The following SPOCK1 variants were observed in gnomAD, a reference collection of about 807,000 sequenced individuals.
SPOCK1 encodes SPARC (osteonectin), cwcv and kazal like domains proteoglycan 1.
Under a neutral mutation model 55.3 loss-of-function variants are expected in SPOCK1, and 23 were observed. The observed-to-expected ratio is 0.42, with a 90% CI of 0.30 to 0.59. The LOEUF (loss-of-function observed/expected upper bound fraction) is 0.59, where lower values mean the gene tolerates loss of function less well. Ranked by LOEUF, SPOCK1 falls within the 20% of genes least tolerant of loss-of-function variation. The pLI, the probability that SPOCK1 is intolerant of heterozygous loss-of-function variation, is 0.22. For missense variants in SPOCK1, 499 were observed against 552.5 expected (o/e 0.90, Z 0.97); for synonymous variants, 226 against 221.0 (o/e 1.02, Z -0.20).
At chr5:137,331,624 G>A (rs1048066572) in intron 2 of SPOCK1, among the ~76,000 whole-genome samples, 4 of 152,170 alleles carry the variant, frequency 2.6e-5, no homozygotes, top group Admixed American at 1.3e-4. Context: ...GAATAGGCAT[G>A]TCACATGGTG....
At chr5:137,319,419 T>C (rs1757939402) in intron 2 of SPOCK1, among the ~76,000 whole-genome samples, 1 of 152,226 alleles carries the variant, frequency 6.6e-6, no homozygotes, top group African/African-American at 2.4e-5. Context: ...ATATGCTTAT[T>C]GTTCACTATA....
At chr5:137,288,364 A>G (rs751554464) in intron 2 of SPOCK1, among the ~76,000 whole-genome samples, 6 of 152,226 alleles carry the variant, frequency 3.9e-5, no homozygotes, top group Non-Finnish European at 7.3e-5. Flanking sequence ...ACTCTGTCCC[A>G]GGTCTTGACA....
intron 8 of SPOCK1, among the ~76,000 whole-genome samples, chr5:136,986,964 A>G (rs1250988548): frequency 6.6e-6 from 1 of 152,150 alleles, no homozygotes; most frequent in Non-Finnish European, 1.5e-5. Flanking sequence ...AAAATTCTAG[A>G]AAAACAGTAA....
chr5:137,038,839 AG>A (rs1751933347), intron 6 of SPOCK1, among the ~76,000 whole-genome samples: 1 of 152,154 alleles, frequency 6.6e-6, no homozygotes, highest in Non-Finnish European at 1.5e-5. Context: ...CACCCCTAGA[AG>A]GTATAAGCTC....
intron 3 of SPOCK1, among the ~76,000 whole-genome samples, chr5:137,243,413 A>ATT (rs1179723342): frequency 6.6e-6 from 1 of 152,228 alleles, no homozygotes; most frequent in Non-Finnish European, 1.5e-5. Flanking sequence ...TCCTAAGACC[A>ATT]AAGACATCAT....
intron 6 of SPOCK1, among the ~76,000 whole-genome samples, chr5:137,009,405 C>T (rs1329104863): frequency 5.3e-5 from 8 of 152,076 alleles, no homozygotes; most frequent in Admixed American, 2.6e-4. Flanking sequence ...CAAAGATCTC[C>T]AAGAGAGGTC....
At chr5:137,495,840 T>G (rs1754288812) in intron 2 of SPOCK1, among the ~76,000 whole-genome samples, 1 of 152,252 alleles carries the variant, frequency 6.6e-6, no homozygotes. Flanking sequence ...AAGAGGTTAA[T>G]GACATTAAAT....
chr5:137,137,404 G>A (rs963392594), intron 4 of SPOCK1, among the ~76,000 whole-genome samples: 30 of 152,206 alleles, frequency 2.0e-4, no homozygotes, highest in African/African-American at 7.2e-4. Context: ...TTTCTTCTGG[G>A]AAGGTGTCCA....
Position 137,085,219 on chromosome 5 carries a change from C to A in SPOCK1, c.475-17390G>T, listed in dbSNP as rs575351638. ...GAGATGCCCCACCTGGCCCACCCTA[C>A]GCTCACAGGGCCAGTGACAAGGACA... On this transcript the variant is annotated intron_variant, in intron 5 of 10. Coordinates refer to ENST00000394945, the MANE Select transcript of SPOCK1 (RefSeq NM_004598.4). Among the ~76,000 whole-genome samples the A allele has an allele frequency of 1.1e-3, 167 of 152,236 alleles. 1 individual carries two copies. Among genetic ancestry groups the A allele is most frequent in the African/African-American group, 3.9e-3 (162 of 41,544 alleles).
chr5:137,103,499 G>A (rs923163121), intron 5 of SPOCK1, among the ~76,000 whole-genome samples: 3 of 152,128 alleles, frequency 2.0e-5, no homozygotes, highest in African/African-American at 4.8e-5. Context: ...AGCCATCCTG[G>A]ACCCAGAGAC....
intron 2 of SPOCK1, among the ~76,000 whole-genome samples, chr5:137,291,686 T>C (rs1757373902): frequency 6.6e-6 from 1 of 152,234 alleles, no homozygotes; most frequent in Non-Finnish European, 1.5e-5. Flanking sequence ...TGAAAGCTGA[T>C]GGGAGGCTTG....
At chr5:136,989,029 T>C (rs1750898016) in intron 7 of SPOCK1, among the ~76,000 whole-genome samples, 2 of 152,214 alleles carry the variant, frequency 1.3e-5, no homozygotes, top group African/African-American at 4.8e-5. Flanking sequence ...CAAAAAATAC[T>C]GGAAAACCAA....
intron 3 of SPOCK1, among the ~76,000 whole-genome samples, chr5:137,212,801 G>A (rs1317131077): frequency 5.3e-5 from 8 of 152,244 alleles, no homozygotes; most frequent in Admixed American, 1.3e-4. Context: ...GACAATGTCA[G>A]AGGCTCACTT....
chr5:137,259,754 T>C (rs1405943940), intron 3 of SPOCK1, among the ~76,000 whole-genome samples: 4 of 151,770 alleles, frequency 2.6e-5, no homozygotes, highest in African/African-American at 4.8e-5. Flanking sequence ...ACAATAAGCT[T>C]ATGGGAGAGG....
At chr5:137,377,208 A>G (rs1666939474) in intron 2 of SPOCK1, among the ~76,000 whole-genome samples, 1 of 152,218 alleles carries the variant, frequency 6.6e-6, no homozygotes, top group South Asian at 2.1e-4. Context: ...CAAGCACTGT[A>G]TCAGGAAATG....
At chr5:137,127,530 C>T (rs1251893112) in intron 4 of SPOCK1, among the ~76,000 whole-genome samples, 1 of 152,266 alleles carries the variant, frequency 6.6e-6, no homozygotes, top group Non-Finnish European at 1.5e-5. Context: ...AGGCAGTACC[C>T]CTACCCCAGT....
At chr5:137,043,673 C>T (rs1271169294) in intron 6 of SPOCK1, among the ~76,000 whole-genome samples, 1 of 152,168 alleles carries the variant, frequency 6.6e-6, no homozygotes, top group Non-Finnish European at 1.5e-5. Context: ...CATAACCCTA[C>T]TCTAATCATT....
chr5:137,160,588 T>TATATATTATATATTATATA (rs1754522408), intron 3 of SPOCK1, among the ~76,000 whole-genome samples: 1 of 66,588 alleles, frequency 1.5e-5, no homozygotes, highest in East Asian at 5.5e-4. Context: ...ATATATATAA[T>TATATATTATATATTATATA]ATATAATATA....
intron 6 of SPOCK1, among the ~76,000 whole-genome samples, chr5:137,046,214 G>C (rs1752101815): frequency 9.1e-6 from 1 of 109,928 alleles, no homozygotes; most frequent in Non-Finnish European, 1.9e-5. Flanking sequence ...GGATGGCATT[G>C]AATCTGTAAA....
Sources: gnomAD v4.1 joint callset for allele counts (sites outside exome capture counted in the v4.1 genomes callset) on GRCh38, gnomAD v4.1.1 for gene constraint, MANE v1.5 for transcripts, NCBI Gene and HGNC (gene_info 2026-07-23, HGNC 2026-07-21) for gene names.